SSPN: variants seen among roughly 807,000 people sequenced by gnomAD.
The protein encoded by SSPN is sarcospan, also known as K-ras oncogene-associated protein.
Under a neutral mutation model 19.1 loss-of-function variants are expected in SSPN, and 15 were observed. That is an observed-to-expected ratio of 0.78 (90% CI 0.52 to 1.21). SSPN has a LOEUF of 1.21. Ranked by LOEUF, SSPN falls within the 50% of genes most tolerant of loss-of-function variation. SSPN has a pLI of 0.00. For missense variants in SSPN, 291 were observed against 314.0 expected (o/e 0.93, Z 0.55); for synonymous variants, 147 against 140.3 (o/e 1.05, Z -0.34).
chr12:26,160,949 A>T (rs1027673375), intron 1 of SSPN, among the ~76,000 whole-genome samples: 1 of 152,026 alleles, frequency 6.6e-6, no homozygotes, highest in African/African-American at 2.4e-5. Flanking sequence ...CTCTACTAAA[A>T]ATACAAAAAT....
rs914007493 is a variant in SSPN at position 26,196,068 on chromosome 12, T to C, written c.279+117T>C. On this transcript the variant is annotated intron_variant, in intron 1 of 2. Transcript: ENST00000242729. ...CCTTCCCCGGGTTCACTCTTCTAAC[T>C]CGCGCTCTGCTCGGTGACTGATGCG... 9.4e-5 allele frequency: 84 copies of C among 890,758 alleles called. No homozygotes were observed. The South Asian group carries it at 1.8e-3, about 19-fold the overall frequency. The allele number at this position is 890,758 out of a possible 1,614,324, so 55.2% of individuals were successfully genotyped here.
Position 26,195,598 on chromosome 12 carries a change from A to C in SSPN, c.-75A>C. ...ATAATTCGAATACCAGGGCAGGCCG[A>C]GCCAGCCGTGCGCCGCGCTCCAGGG... On this transcript the variant is annotated 5_prime_UTR_variant, in exon 1 of 3. Coordinates refer to ENST00000242729, the MANE Select transcript of SSPN (RefSeq NM_005086.5). 2 of 1,338,880 alleles carry C rather than the reference A, an allele frequency of 1.5e-6. No homozygotes were observed. The highest frequency in any genetic ancestry group is 1.5e-5 in the African/African-American group (1 of 64,838). The allele number at this position is 1,338,880 out of a possible 1,614,324, so 82.9% of individuals were successfully genotyped here.
intron 1 of SSPN, chr12:26,122,302 C>T (rs1382442278): frequency 6.0e-6 from 7 of 1,162,786 alleles, no homozygotes; most frequent in East Asian, 4.0e-5. Context: ...GCGGCGGCAG[C>T]GGCGGCGGCG....
chr12:26,192,137 A>G (rs1944793052), upstream of SSPN, among the ~76,000 whole-genome samples: 1 of 152,252 alleles, frequency 6.6e-6, no homozygotes, highest in South Asian at 2.1e-4. Context: ...GTCTGCAAAG[A>G]TAGAGATACT....
Position 26,212,613 on chromosome 12 carries a change from A to G in SSPN, c.280-11680A>G, listed in dbSNP as rs80175936. 2.0e-5 allele frequency among the ~76,000 whole-genome samples: 3 copies of G among 152,202 alleles called. No individual in the cohort carries two copies. In the East Asian group the frequency reaches 5.8e-4, roughly 29 times the overall value. On this transcript the variant is annotated intron_variant, in intron 1 of 2. Coordinates refer to ENST00000242729, the MANE Select transcript of SSPN (RefSeq NM_005086.5). Reference sequence around the variant, plus strand: ...GTTCTTCCATAAATAGGATTTCTACACTAGAGCTTTTCATCGGCAACTTTT... The same window carrying G: ...GTTCTTCCATAAATAGGATTTCTACGCTAGAGCTTTTCATCGGCAACTTTT...
chr12:26,193,297 G>A (rs912691605), upstream of SSPN, among the ~76,000 whole-genome samples: 1 of 152,148 alleles, frequency 6.6e-6, no homozygotes, highest in African/African-American at 2.4e-5. Context: ...TTCACATCTG[G>A]TTCCACTTAC....
chr12:26,202,590 CTAA>C (rs1944896067), intron 1 of SSPN, among the ~76,000 whole-genome samples: 1 of 152,342 alleles, frequency 6.6e-6, no homozygotes, highest in Admixed American at 6.5e-5. Flanking sequence ...ATAGGTTTCT[CTAA>C]TGTTTGGTCT....
At chr12:26,203,428 G>T (rs941850928) in intron 1 of SSPN, among the ~76,000 whole-genome samples, 1 of 151,158 alleles carries the variant, frequency 6.6e-6, no homozygotes, top group Non-Finnish European at 1.5e-5. Context: ...GAGTTCATAA[G>T]CTTACAGTGA....
At chr12:26,178,197 C>A (rs534418720) in intron 1 of SSPN, among the ~76,000 whole-genome samples, 3 of 152,214 alleles carry the variant, frequency 2.0e-5, no homozygotes, top group Non-Finnish European at 4.4e-5. Flanking sequence ...AAAGCGTAGA[C>A]TCTGAAGCCA....
At chr12:26,161,965 T>TG (rs1434404369) in intron 1 of SSPN, among the ~76,000 whole-genome samples, 1 of 152,194 alleles carries the variant, frequency 6.6e-6, no homozygotes, top group Non-Finnish European at 1.5e-5. Context: ...TGGCCATGGA[T>TG]GGGTACCAGT....
At chr12:26,156,299 C>T (rs1428592377) in intron 1 of SSPN, among the ~76,000 whole-genome samples, 1 of 152,128 alleles carries the variant, frequency 6.6e-6, no homozygotes, top group Non-Finnish European at 1.5e-5. Context: ...CCGCTGTCTG[C>T]AGCGTTAGAA....
In SSPN at chr12:26,163,059, GTA is replaced by G. The variant is rs1555177119; in HGVS notation, c.-31+40909_-31+40910del. Among the ~76,000 whole-genome samples the G allele has an allele frequency of 1.7e-4, 22 of 130,528 alleles. 1 individual carries two copies. In the East Asian group the frequency reaches 3.9e-3, roughly 23 times the overall value. The allele number at this position is 130,528 out of a possible 152,430, so 85.6% of individuals were successfully genotyped here. On this transcript the variant is annotated intron_variant, in intron 1 of 2. Transcript: ENST00000538142. The stretch of plus-strand genomic sequence containing the variant: ...TGTGTGTGTGTGTGTGTGTGTGTGT[GTA>G]TGTGTGTGTGTGTGTCTGCTAATGA...
At chr12:26,195,518 C>T, upstream of SSPN, 7 of 1,238,090 alleles carry the variant, frequency 5.7e-6, no homozygotes, top group Non-Finnish European at 7.1e-6. Context: ...CTCCCCGTGG[C>T]CTTTGGAGGC....
chr12:26,207,974 T>G (rs1268204244), intron 1 of SSPN, among the ~76,000 whole-genome samples: 2 of 142,804 alleles, frequency 1.4e-5, no homozygotes, highest in Non-Finnish European at 3.0e-5. Flanking sequence ...CACTTCAGCC[T>G]GGGCAACAGA....
chr12:26,134,567 C>T (rs1014175485), intron 1 of SSPN, among the ~76,000 whole-genome samples: 7 of 152,222 alleles, frequency 4.6e-5, no homozygotes, highest in South Asian at 2.1e-4. Flanking sequence ...CTGAATGATT[C>T]CTAAATGTGC....
intron 1 of SSPN, among the ~76,000 whole-genome samples, chr12:26,185,882 A>G (rs963282905): frequency 6.6e-6 from 1 of 152,098 alleles, no homozygotes; most frequent in Admixed American, 6.5e-5. Context: ...TTCCCTGATT[A>G]TGTGTCTGTC....
intron 1 of SSPN, among the ~76,000 whole-genome samples, chr12:26,169,597 T>A (rs11048422): frequency 0.45 from 67,809 of 151,178 alleles, 16,551 homozygotes; most frequent in Admixed American, 0.59. Context: ...ATATATATTT[T>A]TTTTTCTTAG....
At chr12:26,178,359 G>GTGTGTA (rs1158234565) in intron 1 of SSPN, among the ~76,000 whole-genome samples, 1 of 152,136 alleles carries the variant, frequency 6.6e-6, no homozygotes, top group Non-Finnish European at 1.5e-5. Context: ...GTGTGTGTGT[G>GTGTGTA]TGTGTATGTG....
At chr12:26,158,535 A>G (rs568066090) in intron 1 of SSPN, among the ~76,000 whole-genome samples, 2 of 152,284 alleles carry the variant, frequency 1.3e-5, no homozygotes, top group East Asian at 3.9e-4. Context: ...GGGAACTCCT[A>G]CCACCTGCAT....
Sources: gnomAD v4.1 joint callset for allele counts (sites outside exome capture counted in the v4.1 genomes callset) on GRCh38, gnomAD v4.1.1 for gene constraint, MANE v1.5 for transcripts, NCBI Gene and HGNC (gene_info 2026-07-23, HGNC 2026-07-21) for gene names.